The following GSK3B variants were observed in gnomAD, a reference collection of about 807,000 sequenced individuals.
GSK3B encodes glycogen synthase kinase-3 beta.
GSK3B carries 15 observed loss-of-function variants against 56.4 expected under a neutral mutation model. That is an observed-to-expected ratio of 0.27 (90% confidence interval 0.18 to 0.41). The LOEUF (loss-of-function observed/expected upper bound fraction) is 0.41. GSK3B is among the 10% of genes least tolerant of loss of function. GSK3B has a pLI of 1.00. For missense variants in GSK3B, 300 were observed against 513.4 expected, an observed-to-expected ratio of 0.58 and a Z score of 4.02; for synonymous variants, 181 against 188.9, an observed-to-expected ratio of 0.96 and a Z score of 0.34.
intron 3 of GSK3B, among the ~76,000 whole-genome samples, chr3:119,936,325 A>ACCTGGATGAAATGGGCAAATTCC (rs1559844076): frequency 1.4e-5 from 2 of 142,704 alleles, no homozygotes; most frequent in African/African-American, 5.4e-5. Context: ...AAAAATATAA[A>ACCTGGATGAAATGGGCAAATTCC]TATATATAAA....
chr3:120,070,522 GA>G (rs1294115243), intron 1 of GSK3B, among the ~76,000 whole-genome samples: 1 of 151,588 alleles, frequency 6.6e-6, no homozygotes, highest in Non-Finnish European at 1.5e-5. Context: ...GATCAGAGAT[GA>G]GGCTAAAATG....
chr3:120,070,633 A>G (rs2058319320), intron 1 of GSK3B, among the ~76,000 whole-genome samples: 1 of 152,198 alleles, frequency 6.6e-6, no homozygotes, highest in Admixed American at 6.5e-5. Context: ...GAAATCTTTC[A>G]CTATAGAAAC....
chr3:120,092,268 T>C (rs1435598952), intron 1 of GSK3B, among the ~76,000 whole-genome samples: 1 of 151,802 alleles, frequency 6.6e-6, no homozygotes, highest in Non-Finnish European at 1.5e-5. Context: ...AGGACAAGAG[T>C]AGTCTATCCA....
chr3:119,855,869 C>T (rs1431613247), intron 9 of GSK3B, among the ~76,000 whole-genome samples: 2 of 152,084 alleles, frequency 1.3e-5, no homozygotes, highest in East Asian at 1.9e-4. Flanking sequence ...AGGAGAAATA[C>T]CTAATGTAAA....
rs138385222 is a variant in GSK3B, at chr3:120,054,612, C to G, written c.88+38735G>C. Among the ~76,000 whole-genome samples the G allele has an allele frequency of 3.9e-5, 6 of 152,172 alleles. No homozygotes were observed. In the East Asian group the frequency reaches 1.2e-3, roughly 29 times the overall value. On this transcript the variant is annotated intron_variant, in intron 1 of 10. Coordinates refer to ENST00000264235, the MANE Select transcript of GSK3B (RefSeq NM_001146156.2). ...GCTTAATTTATTTCCCTCTGCCTGT[C>G]CCTCAATTATCAGAGGGTCTCTGAC... is the stretch of plus-strand genomic sequence containing the variant.
At chr3:119,908,924 T>C (rs2056709052) in intron 6 of GSK3B, among the ~76,000 whole-genome samples, 1 of 152,236 alleles carries the variant, frequency 6.6e-6, no homozygotes, top group African/African-American at 2.4e-5. Flanking sequence ...AAAATGATAA[T>C]GTGTTTCTGA....
chr3:120,034,103 T>C (rs1446719321), intron 1 of GSK3B, among the ~76,000 whole-genome samples: 2 of 141,734 alleles, frequency 1.4e-5, no homozygotes, highest in African/African-American at 5.4e-5. Context: ...TATTGAACTG[T>C]AAGAGTTCTT....
intron 7 of GSK3B, among the ~76,000 whole-genome samples, chr3:119,886,150 G>C (rs577756318): frequency 6.6e-6 from 1 of 152,106 alleles, no homozygotes; most frequent in African/African-American, 2.4e-5. Flanking sequence ...AACTGACAGA[G>C]GTCTCATATC....
chr3:119,938,082 G>A (rs948277899), intron 3 of GSK3B, among the ~76,000 whole-genome samples: 6 of 151,768 alleles, frequency 4.0e-5, no homozygotes, highest in Non-Finnish European at 8.8e-5. Flanking sequence ...TGAAACAGAC[G>A]ATCTTAACAA....
intron 10 of GSK3B, among the ~76,000 whole-genome samples, chr3:119,840,783 TATTTGAAACTCAC>T (rs1245915604): frequency 6.6e-6 from 1 of 152,180 alleles, no homozygotes; most frequent in Non-Finnish European, 1.5e-5. Context: ...AAAAAGTATC[TATTTGAAACTCAC>T]ATTTTTTGTT....
intron 3 of GSK3B, among the ~76,000 whole-genome samples, chr3:119,925,541 C>A (rs1259305113): frequency 3.9e-5 from 6 of 152,126 alleles, no homozygotes; most frequent in Admixed American, 2.6e-4. Context: ...GATAAGCTAA[C>A]CCAGCTCCTT....
intron 2 of GSK3B, among the ~76,000 whole-genome samples, chr3:119,950,312 G>A (rs1024672128): frequency 1.1e-4 from 17 of 152,102 alleles, no homozygotes; most frequent in East Asian, 9.6e-4. Context: ...TAAGGAAGCC[G>A]GAGAAAACCT....
At chr3:119,847,614 A>G (rs774177958) in intron 9 of GSK3B, among the ~76,000 whole-genome samples, 27 of 152,238 alleles carry the variant, frequency 1.8e-4, no homozygotes, top group South Asian at 6.2e-4. Flanking sequence ...AAGTACTGTG[A>G]TATATAACAA....
In GSK3B at chr3:119,825,943, C is replaced by T. The variant is rs188729062; in HGVS notation, c.*845G>A. ...TGACCTCAGCAGCTAGCTCAGCCTG[C>T]TCAACACCCCTTCCATCTCCTCCCA... On this transcript the variant is annotated 3_prime_UTR_variant, in exon 11 of 11. Coordinates refer to ENST00000264235, the MANE Select transcript of GSK3B (RefSeq NM_001146156.2). The T allele has an allele frequency of 4.5e-4, 96 of 215,044 alleles. No individual in the cohort carries two copies. The highest frequency in any genetic ancestry group is 1.6e-3 in the African/African-American group (73 of 44,428). 13.3% of individuals were successfully genotyped at this position (215,044 alleles called of 1,614,324 possible).
intron 9 of GSK3B, among the ~76,000 whole-genome samples, chr3:119,846,835 A>G (rs931718948): frequency 6.6e-6 from 1 of 152,234 alleles, no homozygotes; most frequent in Admixed American, 6.5e-5. Flanking sequence ...ACACATGCAT[A>G]CATATATTTA....
At position 120,074,025 on chromosome 3, in the gene GSK3B, C is replaced by T. The variant is rs1271187626; in HGVS notation, c.88+19322G>A. On this transcript the variant is annotated intron_variant, in intron 1 of 10. Transcript: ENST00000264235. ...AAGCCTCAGAAATAAAAACAGTTGG[C>T]CAGGTGCCGCTGCTCACGACTGTAA... Among the ~76,000 whole-genome samples the T allele has an allele frequency of 2.6e-5, 4 of 152,124 alleles. No individual in the cohort carries two copies. The East Asian group carries it at 7.7e-4, about 29-fold the overall frequency.
intron 3 of GSK3B, among the ~76,000 whole-genome samples, chr3:119,932,321 G>A (rs2056954289): frequency 6.6e-6 from 1 of 152,162 alleles, no homozygotes; most frequent in Non-Finnish European, 1.5e-5. Context: ...CGCCAGGCTG[G>A]CTAGAGATGA....
At chr3:120,010,506 T>C (rs1004016171) in intron 1 of GSK3B, among the ~76,000 whole-genome samples, 5 of 152,290 alleles carry the variant, frequency 3.3e-5, no homozygotes, top group East Asian at 1.9e-4. Context: ...ATTTCAAACA[T>C]AGTCTGACTC....
At chr3:120,056,428 C>T (rs1027547137) in intron 1 of GSK3B, among the ~76,000 whole-genome samples, 2 of 152,206 alleles carry the variant, frequency 1.3e-5, no homozygotes, top group African/African-American at 4.8e-5. Flanking sequence ...CAACCTCCAC[C>T]TTCCAGGTTC....
Sources: gnomAD v4.1 joint callset for allele counts (sites outside exome capture counted in the v4.1 genomes callset) on GRCh38, gnomAD v4.1.1 for gene constraint, MANE v1.5 for transcripts, NCBI Gene and HGNC (gene_info 2026-07-23, HGNC 2026-07-21) for gene names.